Variants in IL12RB1 observed in about 807,000 individuals in gnomAD.
The protein encoded by IL12RB1 is interleukin 12 receptor subunit beta 1.
Under a neutral mutation model 94.4 loss-of-function variants are expected in IL12RB1, and 64 were observed. The observed-to-expected ratio is 0.68, with a 90% confidence interval of 0.55 to 0.83. The LOEUF (loss-of-function observed/expected upper bound fraction) is 0.83. IL12RB1 is among the 40% of genes least tolerant of loss of function. The probability of loss-of-function intolerance (pLI) is 0.00; values close to 1 mark genes in which losing one functional copy is unlikely to be tolerated. For missense variants in IL12RB1, 814 were observed against 855.6 expected, an observed-to-expected ratio of 0.95 and a Z score of 0.61; for synonymous variants, 362 against 355.5, an observed-to-expected ratio of 1.02 and a Z score of -0.21.
chr19:18,061,198 C>G lies in IL12RB1; in HGVS notation c.1716-1G>C. On this transcript the variant is annotated splice_acceptor_variant, in intron 14 of 16. Transcript: ENST00000593993. LOFTEE classifies it high-confidence loss of function. The stretch of plus-strand genomic sequence containing the variant: ...CGGCGGGCACAGGTGCCGTGCGGCC[C>G]TGGGGAGGAAAGGGGACCAGTGAGA... 6.5e-7 allele frequency: 1 copy of G among 1,544,538 alleles called. No individual in the cohort carries two copies. Among genetic ancestry groups the G allele is most frequent in the Non-Finnish European group, 8.8e-7 (1 of 1,133,352 alleles).
chr19:18,062,115 C>T, intron 14 of IL12RB1, 66 bp downstream of exon 14: 1 of 1,106,362 alleles, frequency 9.0e-7, no homozygotes, highest in East Asian at 2.4e-5. Context: ...GGCTAAGCTC[C>T]ACTTTAGGGC....
intron 9 of IL12RB1, chr19:18,070,673 T>A (rs1399832988): frequency 3.6e-6 from 1 of 277,488 alleles, no homozygotes; most frequent in Non-Finnish European, 5.5e-6. Flanking sequence ...GTACGGTGGC[T>A]CACGCCTGTA....
At chr19:18,097,879 G>A in intron 1 of IL12RB1, 5 of 1,221,434 alleles carry the variant, frequency 4.1e-6, no homozygotes, top group Non-Finnish European at 5.1e-6. Flanking sequence ...GCGGCCAAGT[G>A]GACGCGGCCT....
At chr19:18,073,640 A>G (rs1408572893) in intron 7 of IL12RB1, 41 bp from the exon 8 acceptor site, 7 of 1,161,010 alleles carry the variant, frequency 6.0e-6, no homozygotes, top group Non-Finnish European at 9.1e-6. Context: ...TTGGAAGGAG[A>G]GAAAGACTGA....
At chr19:18,074,605 G>C (rs1421873271) in intron 7 of IL12RB1, among the ~76,000 whole-genome samples, 2 of 152,052 alleles carry the variant, frequency 1.3e-5, no homozygotes, top group Non-Finnish European at 2.9e-5. Context: ...AAATTAGCTG[G>C]GCGTGGTGGT....
rs138791366 is a variant in IL12RB1, at chr19:18,076,359, G to C, written c.550-32C>G. On this transcript the variant is annotated intron_variant, in intron 5 of 16. Transcript: ENST00000593993. ...TAAAAACATATTCATATATTGTTTT[G>C]CATTTTGGTGCTGAAAAATATTTGC... 3 of 1,141,814 alleles carry C rather than the reference G, an allele frequency of 2.6e-6. No individual in the cohort carries two copies. The Admixed American group carries it at 5.1e-5, about 19-fold the overall frequency. The allele number at this position is 1,141,814 out of a possible 1,614,324, so 70.7% of individuals were successfully genotyped here.
chr19:18,087,210 A>ATT (rs10640856), upstream of IL12RB1, among the ~76,000 whole-genome samples: 22,710 of 135,420 alleles, frequency 0.17, 2,056 homozygotes, highest in Non-Finnish European at 0.21. Flanking sequence ...TCTCTAGCCA[A>ATT]TTTTTTTTTT....
chr19:18,083,315 C>A (rs999781829), intron 2 of IL12RB1, 117 bp downstream of exon 2: 19 of 999,586 alleles, frequency 1.9e-5, no homozygotes, highest in Non-Finnish European at 3.1e-5. Flanking sequence ...ACTCCCAAGA[C>A]CACAGGCAGG....
intron 1 of IL12RB1, chr19:18,097,801 G>C (rs2037094198): frequency 2.5e-6 from 3 of 1,223,928 alleles, no homozygotes; most frequent in Non-Finnish European, 3.1e-6. Context: ...CCATGGACGA[G>C]TCGAGCCTCC....
At chr19:18,068,575 C>T (rs369102090) in intron 10 of IL12RB1, 49 bp from the exon 11 acceptor site, 4 of 1,541,800 alleles carry the variant, frequency 2.6e-6, no homozygotes, top group African/African-American at 2.7e-5. Flanking sequence ...GTGTTCCCAC[C>T]TCTGCACCTT....
At chr19:18,072,084 T>A (rs186377631) in intron 9 of IL12RB1, 28 bp downstream of exon 9, 29 of 1,484,942 alleles carry the variant, frequency 2.0e-5, no homozygotes, top group Non-Finnish European at 2.3e-5. Flanking sequence ...GGGGCCCTCA[T>A]ACCGCCCTCC....
chr19:18,080,662 C>T (rs575234980), intron 4 of IL12RB1, among the ~76,000 whole-genome samples, 170 bp downstream of exon 4: 3 of 152,238 alleles, frequency 2.0e-5, no homozygotes, highest in Admixed American at 1.3e-4. Flanking sequence ...GGTAAGGGGA[C>T]CATGAAAGAC....
intron 1 of IL12RB1, among the ~76,000 whole-genome samples, chr19:18,085,534 G>A (rs1204413328): frequency 1.3e-5 from 2 of 151,918 alleles, no homozygotes; most frequent in African/African-American, 4.8e-5. Context: ...CATTCTACAG[G>A]CACTCAGTGC....
intron 16 of IL12RB1, 136 bp from the exon 17 acceptor site, chr19:18,059,749 C>A (rs180780717): frequency 4.1e-6 from 3 of 736,288 alleles, no homozygotes; most frequent in African/African-American, 1.7e-5. Flanking sequence ...GATAGTCGCT[C>A]TTCGTGTCTG....
At chr19:18,088,390 T>TAA, upstream of IL12RB1, among the ~76,000 whole-genome samples, 3 of 139,926 alleles carry the variant, frequency 2.1e-5, no homozygotes, top group African/African-American at 8.1e-5. Flanking sequence ...CATCTCAAAA[T>TAA]ATATATATAT....
At chr19:18,086,652 A>T in intron 1 of IL12RB1, 108 bp downstream of exon 1, 1 of 1,029,224 alleles carries the variant, frequency 9.7e-7, no homozygotes, top group Non-Finnish European at 1.4e-6. Context: ...GGAAAGACTG[A>T]GGCACAGAGA....
At position 18,074,623 on chromosome 19, in the gene IL12RB1, T is replaced by C. The variant is rs528575214; in HGVS notation, c.701-1024A>G. ...TTAGCTGGGCGTGGTGGTGCATGCC[T>C]GTAAATCCCAGCTACTCTGGAGGCT... On this transcript the variant is annotated intron_variant, in intron 7 of 16. Transcript: ENST00000593993. Among the ~76,000 whole-genome samples, 5 of 152,198 alleles carry C rather than the reference T, an allele frequency of 3.3e-5. No homozygotes were observed. The East Asian group carries it at 9.7e-4, about 29-fold the overall frequency.
At chr19:18,094,880 A>C (rs1380376897) in intron 1 of IL12RB1, among the ~76,000 whole-genome samples, 3 of 152,124 alleles carry the variant, frequency 2.0e-5, no homozygotes, top group Non-Finnish European at 4.4e-5. Flanking sequence ...AAGAGAACCA[A>C]AATATATCCA....
At chr19:18,094,129 T>C (rs1406530515) in intron 1 of IL12RB1, among the ~76,000 whole-genome samples, 19 of 152,208 alleles carry the variant, frequency 1.2e-4, no homozygotes, top group Admixed American at 1.2e-3. Flanking sequence ...TTTTGTTTTG[T>C]CTTGTTTTGT....
Sources: gnomAD v4.1 joint callset for allele counts (sites outside exome capture counted in the v4.1 genomes callset) on GRCh38, gnomAD v4.1.1 for gene constraint, MANE v1.5 for transcripts, NCBI Gene and HGNC (gene_info 2026-07-23, HGNC 2026-07-21) for gene names.